TET2: variants seen among roughly 807,000 people sequenced by gnomAD.
The protein encoded by TET2 is tet methylcytosine dioxygenase 2.
Under a neutral mutation model 142.9 loss-of-function variants are expected in TET2, and 299 were observed. The observed-to-expected ratio is 2.09, with a 90% CI of 1.90 to 2.30. The LOEUF (loss-of-function observed/expected upper bound fraction) is 2.30, where lower values mean the gene tolerates loss of function less well. Among genes scored for constraint, TET2 ranks in the 30% most tolerant of loss-of-function variants. TET2 has a pLI of 0.00. For missense variants in TET2, 2,418 were observed against 2,378.0 expected (o/e 1.02, Z -0.35); for synonymous variants, 819 against 849.0 (o/e 0.96, Z 0.61).
Position 105,234,454 on chromosome 4 carries a change from G to A in TET2, c.512G>A (p.Cys171Tyr). ...KDFTSFSTHN[C>Y]SGPENPELQI... ...TTCACCAGTTTTTCAACACATAACT[G>A]CAGTGGGCCTGAAAATCCAGAGCTT... Residue 171 changes from cysteine (C) to tyrosine (Y), a missense_variant, in exon 3 of 11, where the codon TGC (cysteine) becomes TAC (tyrosine). Physicochemically the swap from Cys to Tyr is radical, Grantham distance 194. Transcript: ENST00000380013. 6.2e-7 allele frequency: 1 copy of A among 1,613,992 alleles called. No homozygotes were observed. Among genetic ancestry groups the A allele is most frequent in the Non-Finnish European group, 8.5e-7 (1 of 1,179,996 alleles).
At chr4:105,222,180 T>G (rs1727870712) in intron 2 of TET2, among the ~76,000 whole-genome samples, 2 of 152,162 alleles carry the variant, frequency 1.3e-5, no homozygotes, top group Non-Finnish European at 2.9e-5. Flanking sequence ...AACATACGTG[T>G]GCATGTGTCT....
rs1161240152 is a variant in TET2 at position 105,278,873 on chromosome 4, A to C, written c.*2354A>C. 8.6e-6 allele frequency: 2 copies of C among 232,962 alleles called. No homozygotes were observed. The highest frequency in any genetic ancestry group is 1.2e-4 in the East Asian group (2 of 16,530). 14.4% of individuals were successfully genotyped at this position (232,962 alleles called of 1,614,324 possible). The stretch of plus-strand genomic sequence containing the variant: ...TTGATCCTGTAATCACTGAAGGTAC[A>C]TACTCCATGTGGACTTCCCTTAAAC... On this transcript the variant is annotated 3_prime_UTR_variant, in exon 11 of 11. Transcript: ENST00000380013.
At chr4:105,237,703 T>G in intron 3 of TET2, 1 of 1,282,644 alleles carries the variant, frequency 7.8e-7, no homozygotes. Context: ...AAAAACAATC[T>G]ATTAAAATGA....
Position 105,276,838 on chromosome 4 carries a change from T to TCTCC in TET2, c.*320_*321insTCCC, listed in dbSNP as rs1553918708. The TCTCC allele has an allele frequency of 2.0e-4, 31 of 155,962 alleles. 2 individuals carry two copies. Among genetic ancestry groups the TCTCC allele is most frequent in the African/African-American group, 1.1e-3 (28 of 25,092 alleles). 9.7% of individuals were successfully genotyped at this position (155,962 alleles called of 1,614,324 possible). On this transcript the variant is annotated 3_prime_UTR_variant, in exon 11 of 11. Coordinates refer to ENST00000380013, the MANE Select transcript of TET2 (RefSeq NM_001127208.3). ...TGGACGAGATGATATGTAAATGTGA[T>TCTCC]CCCCCCCCCCCGCTTACAACTCTAC...
In TET2 at chr4:105,235,884, G is replaced by T. The variant is rs1728845415; in HGVS notation, c.1942G>T (p.Asp648Tyr). 3.7e-6 allele frequency: 6 copies of T among 1,613,866 alleles called. No homozygotes were observed. The highest frequency in any genetic ancestry group is 4.2e-6 in the Non-Finnish European group (5 of 1,179,986). Residue 648 changes from aspartate to tyrosine, a missense_variant, in exon 3 of 11, where the codon GAC becomes TAC. By Grantham distance (160) the Asp-to-Tyr change is radical. Transcript: ENST00000380013. The stretch of plus-strand genomic sequence containing the variant: ...TCAAGGGCAGTCCCAAGGTACAGTG[G>T]ACCAACATCTCCAGTTCCAAAAACC... Reference protein sequence around the residue: ...MNQGQSQGTVDQHLQFQKPSH... With the variant: ...MNQGQSQGTVYQHLQFQKPSH...
intron 1 of TET2, among the ~76,000 whole-genome samples, chr4:105,168,985 G>A (rs937980891): frequency 5.9e-5 from 9 of 152,218 alleles, no homozygotes; most frequent in African/African-American, 1.7e-4. Flanking sequence ...ACTACTCACC[G>A]ATTGACGAGC....
At position 105,237,227 on chromosome 4, in the gene TET2, A is replaced by C; in HGVS notation, c.3285A>C (p.Arg1095Ser). 1.9e-6 allele frequency: 3 copies of C among 1,614,110 alleles called. No homozygotes were observed. Among genetic ancestry groups the C allele is most frequent in the South Asian group, 1.1e-5 (1 of 91,082 alleles). ...TTSSEKTPTK[R>S]TAASVLNNFI... ...CTTCAGAAAAGACACCAACCAAAAG[A>C]ACAGCTGCTTCTGTTCTCAATAATT... Residue 1095 changes from arginine to serine, a missense_variant, in exon 3 of 11, where the codon AGA becomes AGC. By Grantham distance (110) the Arg-to-Ser change is moderately radical. Transcript: ENST00000380013.
At chr4:105,173,435 A>C (rs1724595789) in intron 1 of TET2, among the ~76,000 whole-genome samples, 2 of 151,864 alleles carry the variant, frequency 1.3e-5, no homozygotes, top group Admixed American at 1.3e-4. Context: ...TGGGAGGCTG[A>C]GGCAGGAGAA....
chr4:105,186,249 CA>C (rs1203453911), intron 1 of TET2, among the ~76,000 whole-genome samples: 6 of 151,836 alleles, frequency 4.0e-5, no homozygotes, highest in African/African-American at 1.2e-4. Flanking sequence ...AACAAAAAAA[CA>C]AAAACAACAG....
Position 105,235,879 on chromosome 4 carries a change from C to T in TET2, c.1937C>T (p.Thr646Ile), listed in dbSNP as rs2110230754. 1 of 1,614,028 alleles carries T rather than the reference C, an allele frequency of 6.2e-7. No homozygotes were observed. The highest frequency in any genetic ancestry group is 8.5e-7 in the Non-Finnish European group (1 of 1,179,994). Residue 646 changes from threonine (T) to isoleucine (I), a missense_variant, in exon 3 of 11, where the codon ACA (threonine) becomes ATA (isoleucine). By Grantham distance (89) the Thr-to-Ile change is moderately conservative. Transcript: ENST00000380013. ...VEMNQGQSQG[T>I]VDQHLQFQKP... ...ATGAATCAAGGGCAGTCCCAAGGTA[C>T]AGTGGACCAACATCTCCAGTTCCAA...
chr4:105,244,084 C>CTG (rs1729457958), intron 6 of TET2, among the ~76,000 whole-genome samples: 1 of 152,218 alleles, frequency 6.6e-6, no homozygotes, highest in Non-Finnish European at 1.5e-5. Context: ...GTGACGGCTC[C>CTG]TGTGTGCCTG....
intron 2 of TET2, among the ~76,000 whole-genome samples, chr4:105,204,394 A>G (rs1404965201): frequency 6.6e-6 from 1 of 152,164 alleles, no homozygotes; most frequent in Non-Finnish European, 1.5e-5. Flanking sequence ...ATTTAAATGA[A>G]TAGTGAGCTA....
intron 6 of TET2, among the ~76,000 whole-genome samples, chr4:105,247,761 G>T (rs1291751114): frequency 8.4e-6 from 1 of 118,834 alleles, no homozygotes; most frequent in African/African-American, 3.3e-5. Flanking sequence ...TCGCTCTGTC[G>T]CTTAGGCTGG....
At chr4:105,158,348 T>G (rs1723668330) in intron 1 of TET2, among the ~76,000 whole-genome samples, 1 of 152,208 alleles carries the variant, frequency 6.6e-6, no homozygotes, top group Non-Finnish European at 1.5e-5. Flanking sequence ...CATTGTAATT[T>G]TTCTCAGTAT....
Position 105,185,055 on chromosome 4 carries a change from A to G in TET2, c.-192-5305A>G, listed in dbSNP as rs535339379. Among the ~76,000 whole-genome samples, 94 of 152,340 alleles carry G rather than the reference A, an allele frequency of 6.2e-4. 1 individual carries two copies. The South Asian group carries it at 0.019, about 30-fold the overall frequency. The stretch of plus-strand genomic sequence containing the variant: ...ATGATGTTTGATCAATGGTGGATCT[A>G]TCTCTTGAAAGGAAAATGCATTTAA... On this transcript the variant is annotated intron_variant, in intron 1 of 10. Coordinates refer to ENST00000380013, the MANE Select transcript of TET2 (RefSeq NM_001127208.3).
At chr4:105,173,887 A>G (rs1156563047) in intron 1 of TET2, among the ~76,000 whole-genome samples, 2 of 152,196 alleles carry the variant, frequency 1.3e-5, no homozygotes, top group Non-Finnish European at 2.9e-5. Flanking sequence ...TTAAGACTTC[A>G]GTTTAATAAA....
At chr4:105,184,545 G>A (rs1189699335) in intron 1 of TET2, among the ~76,000 whole-genome samples, 1 of 152,178 alleles carries the variant, frequency 6.6e-6, no homozygotes, top group East Asian at 1.9e-4. Context: ...TCTATGTTAG[G>A]AGGAGCAGGA....
intron 6 of TET2, among the ~76,000 whole-genome samples, chr4:105,244,398 G>A (rs929658475): frequency 1.3e-5 from 2 of 152,064 alleles, no homozygotes; most frequent in African/African-American, 4.8e-5. Context: ...GAATAGAACT[G>A]CAAGAGTATG....
At chr4:105,198,388 G>A (rs747564255) in intron 2 of TET2, among the ~76,000 whole-genome samples, 5 of 152,126 alleles carry the variant, frequency 3.3e-5, no homozygotes, top group Admixed American at 6.5e-5. Flanking sequence ...TTGATTTAAC[G>A]AAGGTGTCAT....
Sources: allele counts gnomAD v4.1 joint callset (sites outside exome capture counted in the v4.1 genomes callset), GRCh38; gene constraint gnomAD v4.1.1; transcripts MANE v1.5; gene names NCBI Gene and HGNC (gene_info 2026-07-23, HGNC 2026-07-21).